GLCCI1: variants seen among roughly 807,000 people sequenced by gnomAD.
GLCCI1 encodes the protein glucocorticoid induced 1, also known as glucocorticoid-induced transcript 1 protein.
Under a neutral mutation model 52.2 loss-of-function variants are expected in GLCCI1, and 24 were observed. The ratio of observed to expected loss-of-function variants is 0.46; its 90% CI spans 0.33 to 0.65. The LOEUF (loss-of-function observed/expected upper bound fraction) is 0.65. Ranked by LOEUF, GLCCI1 falls within the 30% of genes least tolerant of loss-of-function variation. GLCCI1 has a pLI of 0.02. For synonymous variants in GLCCI1, 310 were observed against 276.5 expected (o/e 1.12, Z -1.20); for missense variants, 704 against 701.5 (o/e 1.00, Z -0.04).
In GLCCI1 at chr7:7,990,757, C is replaced by A. The variant is rs373325207; in HGVS notation, c.458-13151C>A. 4.7e-4 allele frequency among the ~76,000 whole-genome samples: 71 copies of A among 152,208 alleles called. 1 individual carries two copies. The highest frequency in any genetic ancestry group is 1.7e-3 in the African/African-American group (69 of 41,560). On this transcript the variant is annotated intron_variant, in intron 1 of 7. Coordinates refer to ENST00000223145, the MANE Select transcript of GLCCI1 (RefSeq NM_138426.4). ...TTTTGGATAAGCTACTGCTTTACAG[C>A]TACATATTTGATTCTTTGGTGTCAA...
intron 3 of GLCCI1, among the ~76,000 whole-genome samples, chr7:8,023,874 C>T (rs1781555514): frequency 2.0e-5 from 3 of 152,076 alleles, no homozygotes; most frequent in South Asian, 2.1e-4. Context: ...GCTGAGATTA[C>T]AGGCATGAAC....
At chr7:8,046,229 G>C (rs1782123123) in intron 3 of GLCCI1, among the ~76,000 whole-genome samples, 1 of 152,060 alleles carries the variant, frequency 6.6e-6, no homozygotes, top group Admixed American at 6.5e-5. Flanking sequence ...GAGGTAAAGA[G>C]GTTTAAAACA....
intron 1 of GLCCI1, chr7:7,980,782 C>A: frequency 5.8e-6 from 4 of 693,834 alleles, no homozygotes; most frequent in Non-Finnish European, 1.1e-5. Flanking sequence ...GGTGAGGTGA[C>A]AGAAGGCATT....
chr7:8,015,728 A>G (rs1243419512), intron 2 of GLCCI1, among the ~76,000 whole-genome samples: 1 of 152,220 alleles, frequency 6.6e-6, no homozygotes, highest in African/African-American at 2.4e-5. Context: ...AATATTTAAC[A>G]TTTTATTCAT....
chr7:8,081,226 T>G (rs1041013617), intron 6 of GLCCI1, among the ~76,000 whole-genome samples: 6 of 152,134 alleles, frequency 3.9e-5, no homozygotes, highest in African/African-American at 1.4e-4. Flanking sequence ...GCTTGGCTCC[T>G]CCCCAGACTA....
In GLCCI1 at chr7:7,969,726, G is replaced by A. The variant is rs1780300455; in HGVS notation, c.376G>A (p.Gly126Ser). 1.4e-6 allele frequency: 2 copies of A among 1,419,478 alleles called. No homozygotes were observed. Among genetic ancestry groups the A allele is most frequent in the Non-Finnish European group, 1.8e-6 (2 of 1,085,120 alleles). 87.9% of individuals were successfully genotyped at this position (1,419,478 alleles called of 1,614,324 possible). Residue 126 changes from glycine to serine, a missense_variant, in exon 1 of 8, where the codon GGC becomes AGC. Gly to Ser is a moderately conservative substitution (Grantham distance 56, BLOSUM62 0). Around this residue, in one of 3 missense-constraint regions of GLCCI1, gnomAD observed 547 missense variants for 524.8 expected, o/e 1.04. Transcript: ENST00000223145. This position sits in a 1 kb window ranked among gnomAD's most constrained non-coding sequence, Gnocchi z 4.9. ...GGCCGAGCAGGCGCCGCGGGCCAAG[G>A]GCCGCCCGAGACGGTCCCCAGAGAG... The part of the protein sequence containing the change: ...APAEQAPRAK[G>S]RPRRSPESHR...
intron 3 of GLCCI1, among the ~76,000 whole-genome samples, chr7:8,027,062 ACT>A (rs1331398049): frequency 6.6e-6 from 1 of 152,108 alleles, no homozygotes; most frequent in Non-Finnish European, 1.5e-5. Context: ...TAAATACCTA[ACT>A]CTTCAATGCC....
At chr7:8,064,951 C>T (rs1367366254) in intron 5 of GLCCI1, among the ~76,000 whole-genome samples, 11 of 152,100 alleles carry the variant, frequency 7.2e-5, no homozygotes, top group South Asian at 2.1e-4. Flanking sequence ...CTCCTGACCG[C>T]GTGATCTGCC....
At chr7:8,010,588 AGGTTATGTATTTTTG>A (rs1781244608) in intron 2 of GLCCI1, among the ~76,000 whole-genome samples, 1 of 152,196 alleles carries the variant, frequency 6.6e-6, no homozygotes, top group African/African-American at 2.4e-5. Context: ...TAAATATTTC[AGGTTATGTATTTTTG>A]GGTTTTATCT....
intron 2 of GLCCI1, among the ~76,000 whole-genome samples, chr7:8,009,571 G>T (rs1264986305): frequency 6.6e-6 from 1 of 152,138 alleles, no homozygotes; most frequent in African/African-American, 2.4e-5. Flanking sequence ...GACTTGATTT[G>T]GGAAGATGCT....
rs115315934 is a variant in GLCCI1 at position 8,073,918 on chromosome 7, G to A, written c.1177+2787G>A. Among the ~76,000 whole-genome samples, 1,322 of 152,274 alleles carry A rather than the reference G, an allele frequency of 8.7e-3. 22 individuals carry two copies. Among genetic ancestry groups the A allele is most frequent in the African/African-American group, 0.03 (1,234 of 41,544 alleles). ...TTACTACTCCCTGGAAAACTGTGTAGCTCTCTGTTATGCAATACAAGGTTT... is the reference window on the plus strand; with the variant it reads ...TTACTACTCCCTGGAAAACTGTGTAACTCTCTGTTATGCAATACAAGGTTT... On this transcript the variant is annotated intron_variant, in intron 6 of 7. Coordinates refer to ENST00000223145, the MANE Select transcript of GLCCI1 (RefSeq NM_138426.4).
chr7:7,992,774 T>A (rs1280940992), intron 1 of GLCCI1, among the ~76,000 whole-genome samples: 4 of 152,118 alleles, frequency 2.6e-5, no homozygotes, highest in Non-Finnish European at 5.9e-5. Context: ...ATTTTTTTAA[T>A]TCTGTAGTTT....
chr7:8,080,643 CA>C (rs1418942631), intron 6 of GLCCI1, among the ~76,000 whole-genome samples: 1 of 151,264 alleles, frequency 6.6e-6, no homozygotes, highest in Non-Finnish European at 1.5e-5. Context: ...GTAGAGTACA[CA>C]AATCTATTGA....
intron 3 of GLCCI1, among the ~76,000 whole-genome samples, chr7:8,044,206 A>T (rs1782069748): frequency 6.6e-6 from 1 of 152,034 alleles, no homozygotes; most frequent in Non-Finnish European, 1.5e-5. Flanking sequence ...CAGCCTCCCA[A>T]AGTGCTGGGA....
chr7:8,009,538 C>T (rs1583968281), intron 2 of GLCCI1, among the ~76,000 whole-genome samples: 1 of 152,194 alleles, frequency 6.6e-6, no homozygotes, highest in African/African-American at 2.4e-5. Context: ...TCTCTGCCCA[C>T]TTGAAGTTAA....
At chr7:8,055,594 A>G in intron 4 of GLCCI1, 45 bp downstream of exon 4, 1 of 1,110,188 alleles carries the variant, frequency 9.0e-7, no homozygotes. Context: ...CTTTTAGTTC[A>G]TTAAGGAAGG....
intron 1 of GLCCI1, among the ~76,000 whole-genome samples, chr7:7,991,517 T>C (rs1164784296): frequency 6.6e-6 from 1 of 152,104 alleles, no homozygotes; most frequent in East Asian, 1.9e-4. Flanking sequence ...AGAGATTCCA[T>C]AATATTAATA....
intron 7 of GLCCI1, among the ~76,000 whole-genome samples, chr7:8,085,813 A>ACG (rs1783094640): frequency 2.6e-5 from 4 of 152,300 alleles, no homozygotes; most frequent in African/African-American, 9.6e-5. Flanking sequence ...GTGTTTAAAT[A>ACG]CGTGATGGAC....
intron 6 of GLCCI1, among the ~76,000 whole-genome samples, chr7:8,080,067 A>T (rs1782964519): frequency 6.6e-6 from 1 of 151,560 alleles, no homozygotes; most frequent in Admixed American, 6.5e-5. Context: ...TCTTGGAGTT[A>T]ACTGAAAATA....
Sources: gnomAD v4.1 joint callset for allele counts (sites outside exome capture counted in the v4.1 genomes callset) on GRCh38, gnomAD v4.1.1 for gene constraint, gnomAD v4.1.1 regional missense constraint, Gnocchi (gnomAD v3.1) non-coding constraint, MANE v1.5 for transcripts, NCBI Gene and HGNC (gene_info 2026-07-23, HGNC 2026-07-21) for gene names.